Variants in TRPC7 observed in about 807,000 individuals in gnomAD.
TRPC7 encodes the protein transient receptor potential cation channel subfamily C member 7, also known as short transient receptor potential channel 7.
A neutral mutation model predicts 90.1 loss-of-function variants in TRPC7; 42 were observed. The ratio of observed to expected loss-of-function variants is 0.47; its 90% confidence interval spans 0.36 to 0.60. TRPC7 has a LOEUF of 0.60. Ranked by LOEUF, TRPC7 falls within the 20% of genes least tolerant of loss-of-function variation. The probability of loss-of-function intolerance (pLI) is 0.00; values close to 1 mark genes in which losing one functional copy is unlikely to be tolerated. For synonymous variants in TRPC7, 451 were observed against 436.3 expected, an observed-to-expected ratio of 1.03 and a Z score of -0.42; for missense variants, 955 against 1,112.3, an observed-to-expected ratio of 0.86 and a Z score of 2.01.
Position 136,356,828 on chromosome 5 carries a change from C to T in TRPC7, c.560G>A (p.Gly187Asp), listed in dbSNP as rs865965537. 2 of 1,613,642 alleles carry T rather than the reference C, an allele frequency of 1.2e-6. No individual in the cohort carries two copies. The highest frequency in any genetic ancestry group is 2.7e-5 in the African/African-American group (2 of 74,936). ...GTCGTGGGGCCGCTCGATGCGGGCG[C>T]CCTTGAGCAGCAGGATGTGCACGAT... ...YEIVHILLLK[G>D]ARIERPHDYF... Residue 187 changes from glycine (G) to aspartate (D), a missense_variant, in exon 2 of 12, where the codon GGC becomes GAC. By Grantham distance (94) the Gly-to-Asp change is moderately conservative. This residue lies in a region of TRPC7 where 484 missense variants were observed against 509.6 expected (regional missense o/e 0.95). Transcript: ENST00000513104.
At chr5:136,231,151 ATGG>A (rs1245722690) in intron 8 of TRPC7, among the ~76,000 whole-genome samples, 200 bp downstream of exon 8, 4 of 152,224 alleles carry the variant, frequency 2.6e-5, no homozygotes, top group Admixed American at 2.6e-4. Flanking sequence ...GCTGGGCCTC[ATGG>A]TGGTACCAGC....
At chr5:136,252,405 T>A (rs542394583) in intron 5 of TRPC7, among the ~76,000 whole-genome samples, 1 of 152,326 alleles carries the variant, frequency 6.6e-6, no homozygotes, top group African/African-American at 2.4e-5. Context: ...GCTTCTGTAT[T>A]TCTGTGTCAT....
chr5:136,341,368 G>A (rs556643867), intron 2 of TRPC7, among the ~76,000 whole-genome samples: 1 of 151,932 alleles, frequency 6.6e-6, no homozygotes, highest in Non-Finnish European at 1.5e-5. Flanking sequence ...TTAAAAAAAA[G>A]CCAGTTGGGA....
intron 6 of TRPC7, among the ~76,000 whole-genome samples, chr5:136,250,328 G>A (rs1443023844): frequency 6.6e-6 from 1 of 152,226 alleles, no homozygotes; most frequent in Admixed American, 6.5e-5. Context: ...GCAGATCATT[G>A]TTGTACCTGA....
chr5:136,343,635 G>T (rs1056104751), intron 2 of TRPC7, among the ~76,000 whole-genome samples: 1 of 152,088 alleles, frequency 6.6e-6, no homozygotes, highest in Non-Finnish European at 1.5e-5. Context: ...TGGGTCTTAA[G>T]GTCTTCACTT....
At chr5:136,216,057 C>G in intron 11 of TRPC7, 143 bp downstream of exon 11, 1 of 683,994 alleles carries the variant, frequency 1.5e-6, no homozygotes, top group Non-Finnish European at 2.6e-6. Context: ...CTGCCGACAA[C>G]TGAATGAGCA....
intron 2 of TRPC7, among the ~76,000 whole-genome samples, chr5:136,321,076 T>C (rs989204143): frequency 6.6e-6 from 1 of 152,218 alleles, no homozygotes; most frequent in African/African-American, 2.4e-5. Context: ...GTAAGTTACT[T>C]GTTTAATTAA....
intron 11 of TRPC7, among the ~76,000 whole-genome samples, chr5:136,215,818 A>C (rs1190150025): frequency 9.3e-6 from 1 of 107,140 alleles, no homozygotes; most frequent in Non-Finnish European, 1.9e-5. Context: ...GTGAGACTCC[A>C]TCTCAAAAAA....
chr5:136,246,509 C>A (rs1166878516), intron 7 of TRPC7, among the ~76,000 whole-genome samples: 1 of 152,146 alleles, frequency 6.6e-6, no homozygotes, highest in Admixed American at 6.5e-5. Flanking sequence ...TCCAGATAGT[C>A]CCCCTGGAGA....
At chr5:136,264,158 A>G (rs1247922251) in intron 5 of TRPC7, among the ~76,000 whole-genome samples, 1 of 152,202 alleles carries the variant, frequency 6.6e-6, no homozygotes, top group East Asian at 1.9e-4. Flanking sequence ...TGGGGTTCCT[A>G]TAGCTAGAGA....
intron 3 of TRPC7, among the ~76,000 whole-genome samples, chr5:136,284,991 G>A (rs1015424794): frequency 2.0e-4 from 31 of 152,140 alleles, no homozygotes; most frequent in Non-Finnish European, 2.9e-4. Context: ...GATGACACAC[G>A]GAATGAGTAT....
intron 8 of TRPC7, among the ~76,000 whole-genome samples, chr5:136,228,602 G>C (rs115385005): frequency 0.012 from 1,781 of 151,710 alleles, 25 homozygotes; most frequent in African/African-American, 0.034. Flanking sequence ...GCTGGAGAAG[G>C]CTGTGCTGCT....
chr5:136,226,330 G>A lies in TRPC7; in HGVS notation c.2041-75C>T, dbSNP rs1755631007. 17 of 1,064,380 alleles carry A rather than the reference G, an allele frequency of 1.6e-5. No individual in the cohort carries two copies. The South Asian group carries it at 2.3e-4, about 15-fold the overall frequency. The allele number at this position is 1,064,380 out of a possible 1,614,324, so 65.9% of individuals were successfully genotyped here. On this transcript the variant is annotated intron_variant, in intron 8 of 11. Transcript: ENST00000513104. Reference sequence around the variant, plus strand: ...AACGGAGCCCAACCTGAGGAGCAGAGACACAGCCCCAACATTCGGAAAGCA... The same window carrying A: ...AACGGAGCCCAACCTGAGGAGCAGAAACACAGCCCCAACATTCGGAAAGCA...
intron 2 of TRPC7, among the ~76,000 whole-genome samples, chr5:136,350,532 CT>C (rs1353397208): frequency 6.6e-6 from 1 of 152,342 alleles, no homozygotes; most frequent in East Asian, 1.9e-4. Context: ...CATTAATTGA[CT>C]CATTTTCCTG....
chr5:136,256,534 A>T (rs1756691887), intron 5 of TRPC7, among the ~76,000 whole-genome samples: 1 of 150,754 alleles, frequency 6.6e-6, no homozygotes, highest in South Asian at 2.1e-4. Flanking sequence ...ACTGTGTCAT[A>T]TCCTTACCCA....
chr5:136,237,896 G>T (rs987670158), intron 7 of TRPC7, among the ~76,000 whole-genome samples: 4 of 152,182 alleles, frequency 2.6e-5, no homozygotes, highest in Non-Finnish European at 4.4e-5. Context: ...ACAGAAATCA[G>T]ATCCTGCCCC....
chr5:136,302,141 C>G (rs985099387), intron 3 of TRPC7, among the ~76,000 whole-genome samples: 1 of 152,186 alleles, frequency 6.6e-6, no homozygotes, highest in Non-Finnish European at 1.5e-5. Context: ...TCTGTGGACC[C>G]AAAACTCCTG....
chr5:136,277,615 G>A (rs1437284252), intron 3 of TRPC7, among the ~76,000 whole-genome samples: 1 of 152,178 alleles, frequency 6.6e-6, no homozygotes, highest in East Asian at 1.9e-4. Context: ...ACCCAAAAGG[G>A]CACACAGCTA....
intron 2 of TRPC7, 47 bp from the exon 3 acceptor site, chr5:136,315,826 A>T (rs770544194): frequency 6.3e-7 from 1 of 1,578,116 alleles, no homozygotes; most frequent in African/African-American, 1.3e-5. Context: ...GGAGGCCCGC[A>T]GATTGGCTTG....
Sources: gnomAD v4.1 joint callset for allele counts (sites outside exome capture counted in the v4.1 genomes callset) on GRCh38, gnomAD v4.1.1 for gene constraint, gnomAD v4.1.1 regional missense constraint, MANE v1.5 for transcripts, NCBI Gene and HGNC (gene_info 2026-07-23, HGNC 2026-07-21) for gene names.